GFPT2: variants seen among roughly 807,000 people sequenced by gnomAD.
The protein encoded by GFPT2 is glutamine--fructose-6-phosphate transaminase 2.
Under a neutral mutation model 85.6 loss-of-function variants are expected in GFPT2, and 62 were observed. The observed-to-expected ratio is 0.72, with a 90% CI of 0.59 to 0.90. The LOEUF is 0.90. Among genes scored for constraint, GFPT2 ranks in the 40% least tolerant of loss-of-function variants. GFPT2 has a pLI of 0.00. For missense variants in GFPT2, 788 were observed against 893.4 expected, an observed-to-expected ratio of 0.88 and a Z score of 1.50; for synonymous variants, 368 against 344.5, an observed-to-expected ratio of 1.07 and a Z score of -0.75.
chr5:180,316,983 AC>A lies in GFPT2; in HGVS notation c.1033del (p.Val345Ter), dbSNP rs1238825235. The A allele has an allele frequency of 1.9e-6, 3 of 1,609,248 alleles. No individual in the cohort carries two copies. Among genetic ancestry groups the A allele is most frequent in the Non-Finnish European group, 2.6e-6 (3 of 1,175,686 alleles). ...ATTACCTGTGTTGGTTTCAAAATTC[AC>A]CCGACCTCTCATAGTATTGAAAACT... is the stretch of plus-strand genomic sequence containing the variant. ...ESVFNTMRGR[V>X]NFETNTVLLG... On this transcript the variant is annotated frameshift_variant, in exon 11 of 19. Coordinates refer to ENST00000253778, the MANE Select transcript of GFPT2 (RefSeq NM_005110.4). LOFTEE classifies it high-confidence loss of function.
intron 17 of GFPT2, 142 bp from the exon 18 acceptor site, chr5:180,302,726 G>A (rs919934998): frequency 1.6e-6 from 1 of 617,998 alleles, no homozygotes; most frequent in East Asian, 2.7e-5. Flanking sequence ...GAGGTGGTAT[G>A]TGTGGGACAC....
Position 180,330,956 on chromosome 5 carries a change from G to A in GFPT2, c.400-122C>T, listed in dbSNP as rs904549752. ...ACTTAAGTCAAGAACAGGGAAAACC[G>A]GGAAGGGGGGAAAAATGTTTGCCAG... On this transcript the variant is annotated intron_variant, in intron 5 of 18. Transcript: ENST00000253778. This position sits in a 1 kb window ranked among gnomAD's most constrained non-coding sequence, Gnocchi z 4.4. 22 of 838,768 alleles carry A rather than the reference G, an allele frequency of 2.6e-5. No homozygotes were observed. Among genetic ancestry groups the A allele is most frequent in the Middle Eastern group, 2.7e-4 (1 of 3,730 alleles). 52.0% of individuals were successfully genotyped at this position (838,768 alleles called of 1,614,324 possible).
chr5:180,308,090 AC>A (rs1385704173), intron 15 of GFPT2, among the ~76,000 whole-genome samples: 1 of 152,154 alleles, frequency 6.6e-6, no homozygotes, highest in Non-Finnish European at 1.5e-5. Flanking sequence ...CCTGGTATCT[AC>A]TAAAAATACA....
chr5:180,303,112 C>T (rs1445464096), intron 17 of GFPT2, among the ~76,000 whole-genome samples: 1 of 145,656 alleles, frequency 6.9e-6, no homozygotes, highest in Non-Finnish European at 1.6e-5. Flanking sequence ...GGCCTGTAGT[C>T]CCAGCTACTG....
chr5:180,349,953 T>C (rs949120908), intron 1 of GFPT2, among the ~76,000 whole-genome samples: 1 of 151,766 alleles, frequency 6.6e-6, no homozygotes, highest in South Asian at 2.1e-4. Context: ...AATTCGTGGA[T>C]GGGAAGCGCA....
At position 180,315,181 on chromosome 5, in the gene GFPT2, C is replaced by CTT. The variant is rs536865519; in HGVS notation, c.1273+1158_1273+1159dup. On this transcript the variant is annotated intron_variant, in intron 13 of 18. Coordinates refer to ENST00000253778, the MANE Select transcript of GFPT2 (RefSeq NM_005110.4). ...ACCGTGGTCATACGTTTTTCTTTTT[C>CTT]TTTTTTTTTTTTTTGAGACGGAGTC... 2.2e-4 allele frequency among the ~76,000 whole-genome samples: 31 copies of CTT among 144,116 alleles called. 1 individual carries two copies. Among genetic ancestry groups the CTT allele is most frequent in the Admixed American group, 9.7e-4 (14 of 14,422 alleles). The allele number at this position is 144,116 out of a possible 152,430, so 94.5% of individuals were successfully genotyped here. A position where few individuals can be genotyped will look rare whatever the true frequency, so the allele number is the denominator to read the frequency against.
intron 2 of GFPT2, among the ~76,000 whole-genome samples, chr5:180,337,361 A>G (rs771280325): frequency 7.2e-5 from 11 of 151,890 alleles, no homozygotes; most frequent in Non-Finnish European, 1.2e-4. Context: ...GCTGAGGCAG[A>G]AGAATGGCGT....
intron 15 of GFPT2, among the ~76,000 whole-genome samples, 200 bp downstream of exon 15, chr5:180,312,230 C>CAGT (rs1763907831): frequency 9.5e-6 from 1 of 105,458 alleles, no homozygotes. Context: ...AGGGAGGCAG[C>CAGT]GCGGCAGCGC....
At chr5:180,322,937 A>C (rs1764147764) in intron 9 of GFPT2, among the ~76,000 whole-genome samples, 2 of 152,096 alleles carry the variant, frequency 1.3e-5, no homozygotes, top group Non-Finnish European at 2.9e-5. Context: ...TCAGAGGCTG[A>C]GGCAGGAGAA....
At chr5:180,306,563 G>A (rs113086625) in intron 16 of GFPT2, among the ~76,000 whole-genome samples, 178 of 152,300 alleles carry the variant, frequency 1.2e-3, no homozygotes, top group Middle Eastern at 6.8e-3. Context: ...CTTTCCTGGC[G>A]TGGATCTTTA....
chr5:180,305,678 T>C (rs7725605), intron 16 of GFPT2, among the ~76,000 whole-genome samples: 1 of 151,934 alleles, frequency 6.6e-6, no homozygotes, highest in Non-Finnish European at 1.5e-5. Context: ...AGCAGACTCA[T>C]GCGGAGGCAT....
At chr5:180,316,154 T>C (rs1764004017) in intron 13 of GFPT2, among the ~76,000 whole-genome samples, 187 bp downstream of exon 13, 1 of 151,856 alleles carries the variant, frequency 6.6e-6, no homozygotes, top group African/African-American at 2.4e-5. Flanking sequence ...TGCATGGCCT[T>C]AGACATCTCT....
intron 4 of GFPT2, among the ~76,000 whole-genome samples, chr5:180,332,232 AGGTGGCGG>A (rs1212614841): frequency 3.7e-5 from 2 of 54,538 alleles, no homozygotes; most frequent in South Asian, 1.5e-3. Context: ...CCTGGCGGGG[AGGTGGCGG>A]GGGGGCGGGG....
In GFPT2 at chr5:180,303,052, A is replaced by AC. The variant is rs549858767; in HGVS notation, c.1843-469dup. On this transcript the variant is annotated intron_variant, in intron 17 of 18. Coordinates refer to ENST00000253778, the MANE Select transcript of GFPT2 (RefSeq NM_005110.4). ...AGACCATCCTGGCTAACATGGTGAA[A>AC]CCCTGTCTCTACTAAAAAATACAAA... Among the ~76,000 whole-genome samples, 521 of 147,512 alleles carry AC rather than the reference A, an allele frequency of 3.5e-3. 12 individuals are homozygous for AC. The highest frequency in any genetic ancestry group is 0.012 in the African/African-American group (497 of 40,980).
intron 1 of GFPT2, among the ~76,000 whole-genome samples, chr5:180,350,533 CTTT>C (rs914710898): frequency 1.5e-4 from 23 of 152,182 alleles, no homozygotes; most frequent in African/African-American, 4.8e-4. Context: ...CCTGCCCCTT[CTTT>C]GAGGGGAGGA....
At chr5:180,311,249 C>T (rs1763875829) in intron 15 of GFPT2, among the ~76,000 whole-genome samples, 1 of 152,188 alleles carries the variant, frequency 6.6e-6, no homozygotes, top group Admixed American at 6.5e-5. Flanking sequence ...GGGCGAGGCT[C>T]GATTCATCTC....
intron 15 of GFPT2, 152 bp from the exon 16 acceptor site, chr5:180,307,455 A>C (rs1763804375): frequency 1.4e-6 from 1 of 735,290 alleles, no homozygotes; most frequent in Admixed American, 2.5e-5. Context: ...CGTAGATTAC[A>C]GGAAATAACT....
intron 1 of GFPT2, among the ~76,000 whole-genome samples, chr5:180,342,355 G>GT (rs1434462057): frequency 1.3e-5 from 2 of 149,936 alleles, no homozygotes; most frequent in Admixed American, 6.6e-5. Flanking sequence ...CGATTCAGTG[G>GT]TTTAGTATAT....
chr5:180,312,518 C>G lies in GFPT2; in HGVS notation c.1458G>C (p.Leu486=). Residue 486 remains leucine (L), a synonymous_variant, in exon 15 of 19, where the codon CTG becomes CTC. Coordinates refer to ENST00000253778, the MANE Select transcript of GFPT2 (RefSeq NM_005110.4). ...TKAYTSQFIS[L]VMFGLMMSED... is the part of the protein sequence containing the mutation. ...CAGACATCATCAAACCAAACATCACCAGAGAGATGAACTGACTGGTATAAG... is the reference window on the plus strand; with the variant it reads ...CAGACATCATCAAACCAAACATCACGAGAGAGATGAACTGACTGGTATAAG... The G allele has an allele frequency of 1.9e-6, 3 of 1,603,340 alleles. No homozygotes were observed. Among genetic ancestry groups the G allele is most frequent in the Non-Finnish European group, 2.6e-6 (3 of 1,170,124 alleles).
Sources: allele counts gnomAD v4.1 joint callset (sites outside exome capture counted in the v4.1 genomes callset), GRCh38; gene constraint gnomAD v4.1.1; non-coding constraint Gnocchi (gnomAD v3.1); transcripts MANE v1.5; gene names NCBI Gene and HGNC (gene_info 2026-07-23, HGNC 2026-07-21).